TMC7: variants seen among roughly 807,000 people sequenced by gnomAD.
TMC7 encodes the protein transmembrane channel like 7, also known as transmembrane channel-like protein 7.
In TMC7, 54 loss-of-function variants were observed where a neutral mutation model predicts 82.9. That is an observed-to-expected ratio of 0.65 (90% CI 0.52 to 0.82). The LOEUF (loss-of-function observed/expected upper bound fraction) is 0.82, where lower values mean the gene tolerates loss of function less well. Ranked by LOEUF, TMC7 falls within the 40% of genes least tolerant of loss-of-function variation. The pLI is 0.00. For synonymous variants in TMC7, 350 were observed against 337.9 expected, an observed-to-expected ratio of 1.04 and a Z score of -0.39; for missense variants, 820 against 901.2, an observed-to-expected ratio of 0.91 and a Z score of 1.15.
chr16:19,021,135 A>G (rs554159538), intron 3 of TMC7, among the ~76,000 whole-genome samples: 1 of 152,274 alleles, frequency 6.6e-6, no homozygotes, highest in Admixed American at 6.5e-5. Flanking sequence ...TTTGTACATA[A>G]ATGCAAAAGA....
chr16:19,035,549 C>T (rs1478938439), intron 6 of TMC7, 127 bp from the exon 7 acceptor site: 15 of 1,098,142 alleles, frequency 1.4e-5, no homozygotes, highest in Non-Finnish European at 1.9e-5. Flanking sequence ...TGGCCCCAAA[C>T]TTGACCATGT....
At chr16:19,007,970 G>C (rs147745722) in intron 1 of TMC7, among the ~76,000 whole-genome samples, 55 of 152,262 alleles carry the variant, frequency 3.6e-4, no homozygotes, top group African/African-American at 1.3e-3. Flanking sequence ...GAGTATTTGA[G>C]ATGAGGAAAC....
At chr16:19,028,682 G>A (rs1026898994) in intron 5 of TMC7, among the ~76,000 whole-genome samples, 2 of 151,928 alleles carry the variant, frequency 1.3e-5, no homozygotes. Context: ...TTGAGACAGA[G>A]TCTCGCTCTG....
rs1961224518 is a variant in TMC7, at chr16:19,045,432, C to T, written c.1547C>T (p.Pro516Leu). ...GCTGTGACACTCTTCGTGGATTTTC[C>T]TAGAAAGTAAGTGCGAGGGGTGCCC... ...ILAVTLFVDF[P>L]RKLLVTYCSS... Residue 516 changes from proline (P) to leucine (L), a missense_variant, in exon 11 of 16, where the codon CCT (proline) becomes CTT (leucine). By Grantham distance (98) the Pro-to-Leu change is moderately conservative (BLOSUM62 -3). This residue lies in a region of TMC7 where 650 missense variants were observed against 669.9 expected (regional missense o/e 0.97). Coordinates refer to ENST00000304381, the MANE Select transcript of TMC7 (RefSeq NM_024847.4). 6.2e-7 allele frequency: 1 copy of T among 1,613,088 alleles called. No homozygotes were observed. Among genetic ancestry groups the T allele is most frequent in the Non-Finnish European group, 8.5e-7 (1 of 1,179,472 alleles).
In TMC7 at chr16:19,059,275, G is replaced by GT; in HGVS notation, c.2028-140dup. On this transcript the variant is annotated intron_variant, in intron 14 of 15. Coordinates refer to ENST00000304381, the MANE Select transcript of TMC7 (RefSeq NM_024847.4). Reference sequence around the variant, plus strand: ...ATCCTTCTGCCTGGGCAAAGCACTGGTATTATAAAATGAGCCATCATGCCC... The same window carrying GT: ...ATCCTTCTGCCTGGGCAAAGCACTGGTTATTATAAAATGAGCCATCATGCCC... 11 of 1,418,362 alleles carry GT rather than the reference G, an allele frequency of 7.8e-6. No individual in the cohort carries two copies. The South Asian group carries it at 1.6e-4, about 20-fold the overall frequency. The allele number at this position is 1,418,362 out of a possible 1,614,324, so 87.9% of individuals were successfully genotyped here. A position where few individuals can be genotyped will look rare whatever the true frequency, so the allele number is the denominator to read the frequency against.
Position 19,012,682 on chromosome 16 carries a change from G to A in TMC7, c.311+3267G>A, listed in dbSNP as rs373608760. ...CGGTTGCCTGTTATCCCAGCTACTC[G>A]TGAGGCTGAGGCAGGAGAATCACTT... On this transcript the variant is annotated intron_variant, in intron 2 of 15. Coordinates refer to ENST00000304381, the MANE Select transcript of TMC7 (RefSeq NM_024847.4). 6.2e-5 allele frequency among the ~76,000 whole-genome samples: 9 copies of A among 145,440 alleles called. No homozygotes were observed. The East Asian group carries it at 1.5e-3, about 25-fold the overall frequency.
Position 18,984,007 on chromosome 16 carries a change from C to T in TMC7, c.-57C>T. On this transcript the variant is annotated 5_prime_UTR_variant, in exon 1 of 16. Transcript: ENST00000304381. ...CGAGGGAAGGCCGGGGAGGCGGCGG[C>T]GGCGGCGGCGGCTGGAGAGGGTCCT... The T allele has an allele frequency of 2.9e-6, 4 of 1,363,302 alleles. No homozygotes were observed. Among genetic ancestry groups the T allele is most frequent in the African/African-American group, 3.1e-5 (2 of 65,368 alleles). The allele number at this position is 1,363,302 out of a possible 1,614,324, so 84.5% of individuals were successfully genotyped here. A position where few individuals can be genotyped will look rare whatever the true frequency, so the allele number is the denominator to read the frequency against.
chr16:18,985,268 A>G (rs2038825621), intron 1 of TMC7, among the ~76,000 whole-genome samples: 1 of 151,818 alleles, frequency 6.6e-6, no homozygotes, highest in African/African-American at 2.4e-5. Context: ...AAAAAAAAAA[A>G]AGAAACCAAG....
chr16:19,009,038 G>A, intron 1 of TMC7, 134 bp from the exon 2 acceptor site: 2 of 1,018,346 alleles, frequency 2.0e-6, no homozygotes, highest in Non-Finnish European at 2.9e-6. Flanking sequence ...AATAAAATAA[G>A]ATCAAAATGC....
At chr16:18,991,507 A>T (rs2038950694) in intron 1 of TMC7, among the ~76,000 whole-genome samples, 1 of 151,782 alleles carries the variant, frequency 6.6e-6, no homozygotes, top group African/African-American at 2.4e-5. Context: ...TTCAGCAATG[A>T]GTAAATTGAG....
chr16:19,058,361 C>T lies in TMC7; in HGVS notation c.2028-1055C>T, dbSNP rs112801038. On this transcript the variant is annotated intron_variant, in intron 14 of 15. Transcript: ENST00000304381. ...CGCCATTGCACTCAAGCCTGGGCAA[C>T]GAGAGTGAAACTCCGTCTCAAAAAT... Among the ~76,000 whole-genome samples the T allele has an allele frequency of 2.0e-3, 308 of 152,024 alleles. 2 individuals are homozygous for T. Among genetic ancestry groups the T allele is most frequent in the African/African-American group, 7.0e-3 (292 of 41,492 alleles).
chr16:19,044,168 T>C (rs1483134710), intron 9 of TMC7, among the ~76,000 whole-genome samples: 4 of 151,002 alleles, frequency 2.6e-5, no homozygotes, highest in East Asian at 2.0e-4. Context: ...ACGCCCGACA[T>C]TGGTTTTTTT....
chr16:19,005,702 G>A lies in TMC7; in HGVS notation c.68-3470G>A, dbSNP rs556193970. ...TCTATATTCAAAGACCTTTGTTTGT[G>A]GCTAATAATAGCTCTTTGTTTCTGC... is the stretch of plus-strand genomic sequence containing the variant. On this transcript the variant is annotated intron_variant, in intron 1 of 15. Coordinates refer to ENST00000304381, the MANE Select transcript of TMC7 (RefSeq NM_024847.4). Among the ~76,000 whole-genome samples, 4 of 152,260 alleles carry A rather than the reference G, an allele frequency of 2.6e-5. No individual in the cohort carries two copies. In the East Asian group the frequency reaches 7.7e-4, roughly 29 times the overall value.
chr16:18,984,382 G>A (rs2038806504), intron 1 of TMC7: 28 of 1,272,104 alleles, frequency 2.2e-5, no homozygotes, highest in Admixed American at 4.3e-5. Flanking sequence ...CTGGACCGTG[G>A]TGGGTTTGTC....
chr16:19,041,742 C>G (rs575143610), intron 9 of TMC7, among the ~76,000 whole-genome samples: 1 of 152,240 alleles, frequency 6.6e-6, no homozygotes, highest in African/African-American at 2.4e-5. Flanking sequence ...AAAATTGAGG[C>G]GGTCTCCCCA....
chr16:19,042,968 G>A (rs1267774173), intron 9 of TMC7, among the ~76,000 whole-genome samples: 1 of 151,650 alleles, frequency 6.6e-6, no homozygotes, highest in Non-Finnish European at 1.5e-5. Flanking sequence ...GGATGGTCTC[G>A]ATCTCCTGAC....
At chr16:19,045,711 C>T (rs1961246992) in intron 11 of TMC7, among the ~76,000 whole-genome samples, 1 of 151,256 alleles carries the variant, frequency 6.6e-6, no homozygotes, top group South Asian at 2.1e-4. Context: ...ATTCTCCTGC[C>T]TCAGCCTCCC....
At chr16:19,035,933 T>C in intron 7 of TMC7, 110 bp downstream of exon 7, 6 of 1,266,398 alleles carry the variant, frequency 4.7e-6, no homozygotes, top group South Asian at 1.5e-5. Context: ...AGGTTGTCCC[T>C]GGTACTTAGC....
intron 1 of TMC7, among the ~76,000 whole-genome samples, chr16:19,001,563 T>C (rs1009293952): frequency 6.6e-6 from 1 of 152,110 alleles, no homozygotes; most frequent in Non-Finnish European, 1.5e-5. Context: ...ACACCTGTGG[T>C]CCCAGCTACT....
Sources: allele counts gnomAD v4.1 joint callset (sites outside exome capture counted in the v4.1 genomes callset), GRCh38; gene constraint gnomAD v4.1.1; regional missense constraint gnomAD v4.1.1; transcripts MANE v1.5; gene names NCBI Gene and HGNC (gene_info 2026-07-23, HGNC 2026-07-21).